The following EEFSEC variants were observed in gnomAD, a reference collection of about 807,000 sequenced individuals.
The protein encoded by EEFSEC is eukaryotic elongation factor, selenocysteine-tRNA specific, also known as selenocysteine-specific elongation factor.
A neutral mutation model predicts 42.1 loss-of-function variants in EEFSEC; 43 were observed. The observed-to-expected ratio is 1.02, with a 90% CI of 0.80 to 1.32. The LOEUF (loss-of-function observed/expected upper bound fraction) is 1.32, where lower values mean the gene tolerates loss of function less well. Ranked by LOEUF, EEFSEC falls within the 40% of genes most tolerant of loss-of-function variation. The pLI is 0.00. For missense variants in EEFSEC, 745 were observed against 803.6 expected, an observed-to-expected ratio of 0.93 and a Z score of 0.88; for synonymous variants, 354 against 339.1, an observed-to-expected ratio of 1.04 and a Z score of -0.48.
chr3:128,387,815 G>GC (rs2067860174), intron 6 of EEFSEC, among the ~76,000 whole-genome samples: 1 of 152,194 alleles, frequency 6.6e-6, no homozygotes, highest in African/African-American at 2.4e-5. Flanking sequence ...AGTGTATGGA[G>GC]CCCCGCTTGC....
At chr3:128,279,715 C>T (rs1372620411) in intron 4 of EEFSEC, among the ~76,000 whole-genome samples, 1 of 152,226 alleles carries the variant, frequency 6.6e-6, no homozygotes, top group Non-Finnish European at 1.5e-5. Flanking sequence ...CACACATTCC[C>T]TGTCCCCCTG....
At chr3:128,381,815 A>G (rs550246377) in intron 6 of EEFSEC, among the ~76,000 whole-genome samples, 1 of 152,184 alleles carries the variant, frequency 6.6e-6, no homozygotes, top group Non-Finnish European at 1.5e-5. Context: ...CCCGGGGTTC[A>G]GAGTCTACAG....
intron 1 of EEFSEC, among the ~76,000 whole-genome samples, chr3:128,161,045 T>C (rs1230601476): frequency 2.0e-5 from 3 of 152,156 alleles, no homozygotes; most frequent in African/African-American, 4.8e-5. Context: ...AAACCATGGC[T>C]CAGAGGTCAG....
intron 4 of EEFSEC, among the ~76,000 whole-genome samples, chr3:128,280,895 G>A (rs192341307): frequency 2.0e-5 from 3 of 152,208 alleles, no homozygotes; most frequent in East Asian, 3.9e-4. Flanking sequence ...TCCCCTCCTC[G>A]GAGATGCAGC....
At chr3:128,386,100 G>A (rs1172609472) in intron 6 of EEFSEC, among the ~76,000 whole-genome samples, 3 of 152,224 alleles carry the variant, frequency 2.0e-5, no homozygotes, top group Admixed American at 2.0e-4. Flanking sequence ...TAGATGAGTT[G>A]ACTAAAGAAA....
intron 1 of EEFSEC, among the ~76,000 whole-genome samples, chr3:128,237,905 C>T (rs76375936): frequency 0.019 from 2,894 of 152,282 alleles, 70 homozygotes; most frequent in Non-Finnish European, 0.022. Flanking sequence ...CCTCTCTATC[C>T]TCAGGGCCTT....
the EEFSEC span, among the ~76,000 whole-genome samples, chr3:128,423,323 AG>A: frequency 6.6e-6 from 1 of 152,236 alleles, no homozygotes; most frequent in Non-Finnish European, 1.5e-5. Context: ...AAAATTAAAA[AG>A]GAATGAAGGC....
intron 1 of EEFSEC, among the ~76,000 whole-genome samples, chr3:128,194,033 C>G (rs1214035285): frequency 6.6e-6 from 1 of 152,104 alleles, no homozygotes; most frequent in Non-Finnish European, 1.5e-5. Flanking sequence ...GAAGAAAAAA[C>G]CCAACCAAAA....
In EEFSEC at chr3:128,350,055, T is replaced by C. The variant is rs571012139; in HGVS notation, c.1444-8162T>C. 3.3e-5 allele frequency among the ~76,000 whole-genome samples: 5 copies of C among 152,340 alleles called. No homozygotes were observed. The East Asian group carries it at 9.7e-4, about 29-fold the overall frequency. On this transcript the variant is annotated intron_variant, in intron 5 of 6. Transcript: ENST00000254730. ...CCACTGGCGCCGGTCAGGGAAGGCCTTAGGGCTGGGCCACAGGAGCTGGCA... is the reference window on the plus strand; with the variant it reads ...CCACTGGCGCCGGTCAGGGAAGGCCCTAGGGCTGGGCCACAGGAGCTGGCA...
intron 1 of EEFSEC, among the ~76,000 whole-genome samples, chr3:128,221,358 C>T (rs1422735678): frequency 6.6e-6 from 1 of 152,202 alleles, no homozygotes; most frequent in Non-Finnish European, 1.5e-5. Context: ...ATGTGAGGTT[C>T]ACCTGGTAAA....
intron 4 of EEFSEC, among the ~76,000 whole-genome samples, chr3:128,334,896 C>A (rs980098215): frequency 6.6e-6 from 1 of 152,234 alleles, no homozygotes; most frequent in African/African-American, 2.4e-5. Flanking sequence ...TTCCACCTCC[C>A]AGCCTTCTCT....
intron 5 of EEFSEC, among the ~76,000 whole-genome samples, chr3:128,355,151 G>T (rs2067436611): frequency 1.3e-5 from 2 of 152,206 alleles, no homozygotes; most frequent in Non-Finnish European, 2.9e-5. Context: ...CACCAGGCCT[G>T]TAGTGGGTCA....
At chr3:128,375,176 C>T (rs2067695364) in intron 6 of EEFSEC, among the ~76,000 whole-genome samples, 1 of 152,212 alleles carries the variant, frequency 6.6e-6, no homozygotes, top group Non-Finnish European at 1.5e-5. Context: ...TAGAACTGTC[C>T]TGTGAGTTCG....
At chr3:128,191,158 C>T (rs577380859) in intron 1 of EEFSEC, among the ~76,000 whole-genome samples, 1 of 152,300 alleles carries the variant, frequency 6.6e-6, no homozygotes, top group East Asian at 1.9e-4. Flanking sequence ...TGTATACCAA[C>T]ATAGCTTGAT....
chr3:128,220,054 C>A (rs891328204), intron 1 of EEFSEC, among the ~76,000 whole-genome samples: 2 of 152,198 alleles, frequency 1.3e-5, no homozygotes, highest in Admixed American at 1.3e-4. Flanking sequence ...TTTCTGACCA[C>A]AACTCCATGT....
intron 4 of EEFSEC, among the ~76,000 whole-genome samples, chr3:128,278,345 G>T (rs143491453): frequency 1.3e-5 from 2 of 152,228 alleles, no homozygotes; most frequent in African/African-American, 4.8e-5. Flanking sequence ...ACAGTGAAGG[G>T]GAGAGGCATA....
intron 1 of EEFSEC, among the ~76,000 whole-genome samples, chr3:128,233,973 A>G (rs1180990113): frequency 6.6e-6 from 1 of 152,158 alleles, no homozygotes; most frequent in African/African-American, 2.4e-5. Flanking sequence ...AGCATGCAAT[A>G]TGTGTTCATT....
At chr3:128,279,490 C>T (rs1413686915) in intron 4 of EEFSEC, among the ~76,000 whole-genome samples, 1 of 152,134 alleles carries the variant, frequency 6.6e-6, no homozygotes, top group Non-Finnish European at 1.5e-5. Context: ...AACAGGCGGC[C>T]CCCTCAGCTG....
chr3:128,424,690 T>C, the EEFSEC span, among the ~76,000 whole-genome samples: 1 of 152,154 alleles, frequency 6.6e-6, no homozygotes, highest in Non-Finnish European at 1.5e-5. Context: ...CAGCCATTTA[T>C]CATTTTTATT....
Sources: allele counts gnomAD v4.1 joint callset (sites outside exome capture counted in the v4.1 genomes callset), GRCh38; gene constraint gnomAD v4.1.1; transcripts MANE v1.5; gene names NCBI Gene and HGNC (gene_info 2026-07-23, HGNC 2026-07-21).